CACNB2: variants seen among roughly 807,000 people sequenced by gnomAD.
CACNB2 encodes calcium voltage-gated channel auxiliary subunit beta 2.
CACNB2 carries 42 observed loss-of-function variants against 73.3 expected under a neutral mutation model. That is an observed-to-expected ratio of 0.57 (90% CI 0.45 to 0.74). The LOEUF is 0.74. Ranked by LOEUF, CACNB2 falls within the 30% of genes least tolerant of loss-of-function variation. The pLI, the probability that CACNB2 is intolerant of heterozygous loss-of-function variation, is 0.00. For synonymous variants in CACNB2, 348 were observed against 310.3 expected, an observed-to-expected ratio of 1.12 and a Z score of -1.28; for missense variants, 940 against 853.0, an observed-to-expected ratio of 1.10 and a Z score of -1.27.
chr10:18,494,400 TG>T (rs760709139), intron 3 of CACNB2, among the ~76,000 whole-genome samples: 3 of 151,860 alleles, frequency 2.0e-5, no homozygotes, highest in Non-Finnish European at 4.4e-5. Context: ...GAGGCCGAGG[TG>T]GGTGGATCAC....
intron 3 of CACNB2, among the ~76,000 whole-genome samples, chr10:18,447,434 C>T (rs12220716): frequency 0.17 from 25,861 of 151,652 alleles, 2,404 homozygotes; most frequent in East Asian, 0.23. Context: ...TTGAGTGGAG[C>T]GAATGACAGA....
At chr10:18,522,353 A>T (rs1445030937) in intron 9 of CACNB2, among the ~76,000 whole-genome samples, 1 of 151,946 alleles carries the variant, frequency 6.6e-6, no homozygotes, top group African/African-American at 2.4e-5. Context: ...CTCCTACCAA[A>T]CCGGTCCACG....
intron 2 of CACNB2, among the ~76,000 whole-genome samples, chr10:18,364,036 C>A (rs940023115): frequency 2.0e-5 from 3 of 151,716 alleles, no homozygotes; most frequent in African/African-American, 7.3e-5. Flanking sequence ...AAACCTCCGC[C>A]TCCCGGGTTC....
chr10:18,429,641 A>G (rs2045775161), intron 3 of CACNB2, among the ~76,000 whole-genome samples: 2 of 149,428 alleles, frequency 1.3e-5, no homozygotes, highest in Admixed American at 6.7e-5. Context: ...AGCTTGGGCA[A>G]CATAGCAAGA....
intron 2 of CACNB2, among the ~76,000 whole-genome samples, chr10:18,182,473 C>T (rs938331834): frequency 4.6e-5 from 7 of 151,402 alleles, no homozygotes; most frequent in African/African-American, 1.5e-4. Context: ...TAACACATGC[C>T]TGTAATAGAA....
rs552401083 is a variant in CACNB2 at position 18,202,332 on chromosome 10, C to T, written c.213+51357C>T. ...GATGAGGATCCTCGGTTACACAGAT[C>T]GAATTTCTAGTTTCTTCTCTGGCTA... On this transcript the variant is annotated intron_variant, in intron 2 of 13. Transcript: ENST00000324631. 2.6e-5 allele frequency among the ~76,000 whole-genome samples: 4 copies of T among 152,242 alleles called. No homozygotes were observed. The East Asian group carries it at 5.8e-4, about 22-fold the overall frequency.
At position 18,324,977 on chromosome 10, in the gene CACNB2, A is replaced by G. The variant is rs140953003; in HGVS notation, c.214-76947A>G. Among the ~76,000 whole-genome samples, 413 of 152,364 alleles carry G rather than the reference A, an allele frequency of 2.7e-3. 7 individuals are homozygous for G. The highest frequency in any genetic ancestry group is 3.1e-4 in the Non-Finnish European group (21 of 68,040). ...AAGATGTGCTATTAGTATTAGCTTC[A>G]TGAGCATGTCGCCTGTGCTGAGAAG... On this transcript the variant is annotated intron_variant, in intron 2 of 13. Transcript: ENST00000324631.
intron 3 of CACNB2, among the ~76,000 whole-genome samples, chr10:18,458,732 A>G (rs890969140): frequency 6.6e-5 from 10 of 150,908 alleles, no homozygotes; most frequent in South Asian, 2.1e-4. Context: ...ATACTATTAT[A>G]CTATTAACAG....
chr10:18,310,777 T>G (rs2039935809), intron 2 of CACNB2, among the ~76,000 whole-genome samples: 1 of 151,640 alleles, frequency 6.6e-6, no homozygotes, highest in African/African-American at 2.4e-5. Context: ...TAGATGGGGT[T>G]TCACCACATT....
intron 2 of CACNB2, among the ~76,000 whole-genome samples, chr10:18,299,891 T>G (rs960858467): frequency 6.6e-6 from 1 of 152,212 alleles, no homozygotes; most frequent in Non-Finnish European, 1.5e-5. Context: ...AAATCACCTC[T>G]GATGCCAATC....
At chr10:18,226,030 C>CT (rs60337517) in intron 2 of CACNB2, among the ~76,000 whole-genome samples, 79 of 145,224 alleles carry the variant, frequency 5.4e-4, no homozygotes, top group Non-Finnish European at 5.6e-4. Context: ...CTTTTCTTTT[C>CT]TTTTTTTTTT....
intron 2 of CACNB2, among the ~76,000 whole-genome samples, chr10:18,365,893 GAGGATGT>G (rs2042325144): frequency 6.6e-6 from 1 of 152,200 alleles, no homozygotes; most frequent in Non-Finnish European, 1.5e-5. Flanking sequence ...TATCTTTGTT[GAGGATGT>G]AAGAATCTGT....
Position 18,527,588 on chromosome 10 carries a change from G to C in CACNB2, c.945G>C (p.Arg315=), listed in dbSNP as rs770736372. The change falls in exon 10 of 14, where the codon CGG becomes CGC. Residue 315 remains arginine, a splice_region_variant and synonymous_variant. Transcript: ENST00000324631. ...CTTCTGTGACTTTTTCCTCCAACAG[G>C]ATATCCATCACAAGGGTCACCGCTG... ...FDFLKHRFEG[R]ISITRVTADI... is the part of the protein sequence containing the mutation. The C allele has an allele frequency of 1.9e-6, 3 of 1,609,676 alleles. No homozygotes were observed. The highest frequency in any genetic ancestry group is 2.6e-6 in the Non-Finnish European group (3 of 1,176,102).
intron 2 of CACNB2, among the ~76,000 whole-genome samples, chr10:18,317,715 T>A (rs2040246299): frequency 6.6e-6 from 1 of 152,344 alleles, no homozygotes; most frequent in East Asian, 1.9e-4. Context: ...AGGTGTCTTT[T>A]GGTAGAATGA....
intron 3 of CACNB2, among the ~76,000 whole-genome samples, chr10:18,482,545 C>T (rs1817430131): frequency 6.6e-6 from 1 of 152,100 alleles, no homozygotes; most frequent in Non-Finnish European, 1.5e-5. Context: ...CAGTCTCGCT[C>T]TGTCGCCTAG....
At chr10:18,430,434 G>A (rs912483597) in intron 3 of CACNB2, among the ~76,000 whole-genome samples, 4 of 151,912 alleles carry the variant, frequency 2.6e-5, no homozygotes, top group Non-Finnish European at 5.9e-5. Context: ...TCTCCCACCT[G>A]CACTACATAG....
intron 2 of CACNB2, among the ~76,000 whole-genome samples, chr10:18,353,666 T>G (rs761488257): frequency 3.9e-5 from 6 of 152,144 alleles, no homozygotes; most frequent in Non-Finnish European, 7.3e-5. Context: ...AATACAATAT[T>G]CCAGGGGTTA....
At chr10:18,514,956 G>A in intron 7 of CACNB2, 2 of 1,552,320 alleles carry the variant, frequency 1.3e-6, no homozygotes, top group Non-Finnish European at 1.8e-6. Flanking sequence ...AATTTAGTCA[G>A]TATTTAAACT....
intron 2 of CACNB2, among the ~76,000 whole-genome samples, chr10:18,334,342 T>A (rs528876359): frequency 6.6e-6 from 1 of 152,100 alleles, no homozygotes; most frequent in Non-Finnish European, 1.5e-5. Flanking sequence ...ACAGAATAAC[T>A]GGGCACTTAA....
Sources: gnomAD v4.1 joint callset for allele counts (sites outside exome capture counted in the v4.1 genomes callset) on GRCh38, gnomAD v4.1.1 for gene constraint, MANE v1.5 for transcripts, NCBI Gene and HGNC (gene_info 2026-07-23, HGNC 2026-07-21) for gene names.